Variants in SLC9A2 observed in about 807,000 individuals in gnomAD.
SLC9A2 encodes the protein sodium/hydrogen exchanger 2.
SLC9A2 carries 42 observed loss-of-function variants against 71.7 expected under a neutral mutation model. That is an observed-to-expected ratio of 0.59 (90% CI 0.46 to 0.76). The LOEUF is 0.76. Among genes scored for constraint, SLC9A2 ranks in the 30% least tolerant of loss-of-function variants. The probability of loss-of-function intolerance (pLI) is 0.00; values close to 1 mark genes in which losing one functional copy is unlikely to be tolerated. For missense variants in SLC9A2, 829 were observed against 1,017.4 expected, an observed-to-expected ratio of 0.81 and a Z score of 2.52; for synonymous variants, 396 against 392.5, an observed-to-expected ratio of 1.01 and a Z score of -0.10.
At chr2:102,627,015 G>A (rs1676261845) in intron 1 of SLC9A2, among the ~76,000 whole-genome samples, 1 of 152,188 alleles carries the variant, frequency 6.6e-6, no homozygotes, top group Admixed American at 6.5e-5. Context: ...GCTGGGTATT[G>A]TAGCTCACAA....
At chr2:102,682,244 T>G (rs970180648) in intron 3 of SLC9A2, among the ~76,000 whole-genome samples, 3 of 152,232 alleles carry the variant, frequency 2.0e-5, no homozygotes, top group Admixed American at 2.0e-4. Flanking sequence ...TACCATGAGC[T>G]GTCACCAAGC....
intron 1 of SLC9A2, among the ~76,000 whole-genome samples, chr2:102,629,683 T>G (rs948835976): frequency 6.6e-6 from 1 of 152,146 alleles, no homozygotes; most frequent in African/African-American, 2.4e-5. Context: ...TTATTTGTTT[T>G]TCATACATAA....
At position 102,672,042 on chromosome 2, in the gene SLC9A2, G is replaced by A. The variant is rs143654269; in HGVS notation, c.1004+6692G>A. On this transcript the variant is annotated intron_variant, in intron 3 of 11. Coordinates refer to ENST00000233969, the MANE Select transcript of SLC9A2 (RefSeq NM_003048.6). ...GAGAATTGCTTGAACCCGGGAGGCG[G>A]AGGTTGCAGTGAGCCGAGATTGAGC... Among the ~76,000 whole-genome samples the A allele has an allele frequency of 1.6e-4, 25 of 152,226 alleles. No homozygotes were observed. In the East Asian group the frequency reaches 4.2e-3, roughly 26 times the overall value.
intron 3 of SLC9A2, among the ~76,000 whole-genome samples, chr2:102,671,999 C>G (rs1000764375): frequency 6.6e-6 from 1 of 151,982 alleles, no homozygotes; most frequent in Non-Finnish European, 1.5e-5. Context: ...CCAGCTGCTA[C>G]TTGGGAGGCT....
intron 2 of SLC9A2, 48 bp from the exon 3 acceptor site, chr2:102,665,052 G>A (rs377344172): frequency 2.7e-5 from 42 of 1,576,498 alleles, no homozygotes; most frequent in Admixed American, 1.8e-5. Context: ...GAGTGACAAT[G>A]GGGAAATGGG....
intron 1 of SLC9A2, among the ~76,000 whole-genome samples, chr2:102,646,139 C>A (rs912782599): frequency 6.6e-6 from 1 of 152,110 alleles, no homozygotes; most frequent in Non-Finnish European, 1.5e-5. Context: ...AGAGTGGGGA[C>A]CGAGATTTAA....
intron 1 of SLC9A2, among the ~76,000 whole-genome samples, chr2:102,647,592 C>T (rs1053379160): frequency 6.6e-6 from 1 of 151,620 alleles, no homozygotes; most frequent in African/African-American, 2.4e-5. Context: ...AAATAGGCCA[C>T]TAGCCAGACT....
chr2:102,671,901 T>A (rs1199536351), intron 3 of SLC9A2, among the ~76,000 whole-genome samples: 1 of 151,490 alleles, frequency 6.6e-6, no homozygotes, highest in Non-Finnish European at 1.5e-5. Flanking sequence ...AGGTCAGGAG[T>A]TTGAGACCAG....
intron 1 of SLC9A2, among the ~76,000 whole-genome samples, chr2:102,647,150 T>G (rs1269251757): frequency 6.6e-6 from 1 of 152,146 alleles, no homozygotes; most frequent in Non-Finnish European, 1.5e-5. Context: ...AACTCAGGAT[T>G]AAGAAACTCA....
At chr2:102,705,776 ATT>A in intron 10 of SLC9A2, 68 bp from the exon 11 acceptor site, 2 of 927,398 alleles carry the variant, frequency 2.2e-6, no homozygotes, top group Non-Finnish European at 3.2e-6. Context: ...TTGCTATACA[ATT>A]TTTAATCTTT....
In SLC9A2 at chr2:102,667,262, T is replaced by G. The variant is rs73947633; in HGVS notation, c.1004+1912T>G. Among the ~76,000 whole-genome samples the G allele has an allele frequency of 1.1e-3, 161 of 152,320 alleles. 1 individual carries two copies. Among genetic ancestry groups the G allele is most frequent in the African/African-American group, 3.7e-3 (154 of 41,566 alleles). ...TTTGGCCAGTGTCATTGAAAATGTA[T>G]GACCAGCTAGTTACTAGGTCTCTAA... On this transcript the variant is annotated intron_variant, in intron 3 of 11. Coordinates refer to ENST00000233969, the MANE Select transcript of SLC9A2 (RefSeq NM_003048.6).
At chr2:102,705,575 C>T (rs1677960154) in intron 10 of SLC9A2, among the ~76,000 whole-genome samples, 2 of 151,914 alleles carry the variant, frequency 1.3e-5, no homozygotes, top group Non-Finnish European at 2.9e-5. Flanking sequence ...GTTTCAGTAG[C>T]TTTTCTTTGA....
At chr2:102,623,216 T>C (rs1676177601) in intron 1 of SLC9A2, among the ~76,000 whole-genome samples, 1 of 152,192 alleles carries the variant, frequency 6.6e-6, no homozygotes, top group African/African-American at 2.4e-5. Context: ...CTACTTTACC[T>C]TTCCTTTCTG....
rs1396516700 is a variant in SLC9A2 at position 102,711,101 on chromosome 2, G to C, written c.*2612G>C. On this transcript the variant is annotated 3_prime_UTR_variant, in exon 12 of 12. Transcript: ENST00000233969. ...CTTTCAGCTTTTGCTCAGCTTTATG[G>C]TGGGGTGTACTGTTTTATCTGGGCG... 2 of 152,280 alleles carry C rather than the reference G, an allele frequency of 1.3e-5. No individual in the cohort carries two copies. Among genetic ancestry groups the C allele is most frequent in the Admixed American group, 1.3e-4 (2 of 15,274 alleles). 9.4% of individuals were successfully genotyped at this position (152,280 alleles called of 1,614,324 possible). A position where few individuals can be genotyped will look rare whatever the true frequency, so the allele number is the denominator to read the frequency against.
In SLC9A2 at chr2:102,710,635, A is replaced by C. The variant is rs1678089208; in HGVS notation, c.*2146A>C. ...AATTTTTTTTGTTTGTTGAATGACA[A>C]AGGCAATAAAAATAAATTTGACTTT... On this transcript the variant is annotated 3_prime_UTR_variant, in exon 12 of 12. Transcript: ENST00000233969. 6.6e-6 allele frequency: 1 copy of C among 152,210 alleles called. No homozygotes were observed. The highest frequency in any genetic ancestry group is 6.5e-5 in the Admixed American group (1 of 15,282). 9.4% of individuals were successfully genotyped at this position (152,210 alleles called of 1,614,324 possible).
At position 102,665,042 on chromosome 2, in the gene SLC9A2, G is replaced by A. The variant is rs796306813; in HGVS notation, c.754-58G>A. The A allele has an allele frequency of 2.2e-5, 35 of 1,558,486 alleles. 1 individual carries two copies. The Middle Eastern group carries it at 5.3e-4, about 24-fold the overall frequency. ...GTCCAGGTAGATGTGTTTGTGCCCA[G>A]AGTGACAATGGGGAAATGGGAAAGG... On this transcript the variant is annotated intron_variant, in intron 2 of 11. Coordinates refer to ENST00000233969, the MANE Select transcript of SLC9A2 (RefSeq NM_003048.6).
In SLC9A2 at chr2:102,708,457, C is replaced by T. The variant is rs537561748; in HGVS notation, c.2407C>T (p.Arg803Trp). 9.3e-5 allele frequency: 150 copies of T among 1,614,056 alleles called. 1 individual carries two copies. In the South Asian group the frequency reaches 1.2e-3, roughly 13 times the overall value. The change falls in exon 12 of 12, where the codon CGG becomes TGG. Residue 803 changes from arginine (R) to tryptophan (W), a missense_variant. Arg to Trp is a moderately radical substitution (Grantham distance 101, BLOSUM62 -3). Coordinates refer to ENST00000233969, the MANE Select transcript of SLC9A2 (RefSeq NM_003048.6). ...LVWRASEPGSRKARFGSEKP is the reference protein window; with the variant it reads ...LVWRASEPGSWKARFGSEKP ...CTGGAGGGCATCGGAACCTGGAAGC[C>T]GGAAAGCCCGATTTGGGAGTGAGAA... is the stretch of plus-strand genomic sequence containing the variant.
chr2:102,708,402 C>A lies in SLC9A2; in HGVS notation c.2352C>A (p.Gly784=), dbSNP rs1678028800. 6.2e-7 allele frequency: 1 copy of A among 1,614,230 alleles called. No homozygotes were observed. Among genetic ancestry groups the A allele is most frequent in the Admixed American group, 1.7e-5 (1 of 60,032 alleles). Residue 784 remains glycine, a synonymous_variant, in exon 12 of 12, where the codon GGC becomes GGA. Coordinates refer to ENST00000233969, the MANE Select transcript of SLC9A2 (RefSeq NM_003048.6). Reference sequence around the variant, plus strand: ...AGAGGGAAGACAGTTTGACTGAAGGCATCCCGCCCAAGCCGCCACCACGGC... The same window carrying A: ...AGAGGGAAGACAGTTTGACTGAAGGAATCCCGCCCAAGCCGCCACCACGGC... ...GSEREDSLTE[G]IPPKPPPRLV...
In SLC9A2 at chr2:102,708,286, A is replaced by AC. The variant is rs748701652; in HGVS notation, c.2243dup (p.Thr749AsnfsTer22). On this transcript the variant is annotated frameshift_variant, in exon 12 of 12. Transcript: ENST00000233969. LOFTEE classifies it low-confidence loss of function (END_TRUNC). ...TGATTCTGGCCGAGATATGCCCAGC[A>AC]CCCCCCCAACACCCCACAGCAGAGA... 85 of 1,613,332 alleles carry AC rather than the reference A, an allele frequency of 5.3e-5. No homozygotes were observed. The highest frequency in any genetic ancestry group is 1.6e-4 in the Middle Eastern group (1 of 6,082).
Sources: allele counts gnomAD v4.1 joint callset (sites outside exome capture counted in the v4.1 genomes callset), GRCh38; gene constraint gnomAD v4.1.1; transcripts MANE v1.5; gene names NCBI Gene and HGNC (gene_info 2026-07-23, HGNC 2026-07-21).